The following NRCAM variants were observed in gnomAD, a reference collection of about 807,000 sequenced individuals.
NRCAM encodes NgCAM-related cell adhesion molecule.
Under a neutral mutation model 156.5 loss-of-function variants are expected in NRCAM, and 83 were observed. The observed-to-expected ratio is 0.53, with a 90% CI of 0.44 to 0.64. NRCAM has a LOEUF of 0.64. Ranked by LOEUF, NRCAM falls within the 30% of genes least tolerant of loss-of-function variation. The probability of loss-of-function intolerance (pLI) is 0.00; values close to 1 mark genes in which losing one functional copy is unlikely to be tolerated. For missense variants in NRCAM, 1,417 were observed against 1,597.3 expected (o/e 0.89, Z 1.92); for synonymous variants, 538 against 563.9 (o/e 0.95, Z 0.65).
intron 2 of NRCAM, among the ~76,000 whole-genome samples, chr7:108,394,947 A>G (rs2099772729): frequency 6.6e-6 from 1 of 152,240 alleles, no homozygotes; most frequent in South Asian, 2.1e-4. Context: ...AAATAAGAAC[A>G]ATAAACATGT....
chr7:108,218,036 T>G (rs192901966), intron 11 of NRCAM, among the ~76,000 whole-genome samples: 183 of 152,276 alleles, frequency 1.2e-3, no homozygotes, highest in African/African-American at 4.1e-3. Flanking sequence ...TGAAACCCAG[T>G]GCCCTGGTGG....
At chr7:108,364,189 G>T (rs2099577670) in intron 2 of NRCAM, among the ~76,000 whole-genome samples, 1 of 152,076 alleles carries the variant, frequency 6.6e-6, no homozygotes, top group Non-Finnish European at 1.5e-5. Context: ...TTAAAAGATG[G>T]GCAAAGGATT....
intron 2 of NRCAM, among the ~76,000 whole-genome samples, chr7:108,396,533 G>T (rs1434442673): frequency 1.3e-5 from 2 of 152,162 alleles, no homozygotes; most frequent in African/African-American, 2.4e-5. Context: ...CTGGATGACT[G>T]TAATTAACCA....
intron 25 of NRCAM, among the ~76,000 whole-genome samples, 195 bp downstream of exon 25, chr7:108,180,028 G>A (rs931774567): frequency 6.6e-6 from 1 of 152,210 alleles, no homozygotes; most frequent in Admixed American, 6.5e-5. Context: ...TTTGGGTTCT[G>A]AAGCCTTCTA....
intron 2 of NRCAM, among the ~76,000 whole-genome samples, chr7:108,331,838 T>C: frequency 6.6e-6 from 1 of 152,270 alleles, no homozygotes; most frequent in African/African-American, 2.4e-5. Flanking sequence ...TCATTGCCAG[T>C]TTTTTTCTGC....
rs1009883638 is a variant in NRCAM at position 108,197,948 on chromosome 7, G to A, written c.1351+8C>T. ...ATTTGCCATGTCTTTAATAAAATGA[G>A]AGCTTACCCAGCACATTTACAAATG... On this transcript the variant is annotated splice_region_variant and intron_variant, in intron 14 of 32. Transcript: ENST00000379028. The A allele has an allele frequency of 6.4e-7, 1 of 1,550,736 alleles. No homozygotes were observed. Among genetic ancestry groups the A allele is most frequent in the Middle Eastern group, 1.7e-4 (1 of 5,834 alleles).
At chr7:108,376,653 ATC>A (rs1166039009) in intron 2 of NRCAM, among the ~76,000 whole-genome samples, 2 of 151,914 alleles carry the variant, frequency 1.3e-5, no homozygotes, top group East Asian at 3.9e-4. Flanking sequence ...TTCCTTTTCT[ATC>A]TCTCTCCCAA....
chr7:108,176,654 AG>A (rs1248721922), intron 26 of NRCAM, 48 bp from the exon 27 acceptor site: 2 of 1,367,928 alleles, frequency 1.5e-6, no homozygotes, highest in African/African-American at 2.9e-5. Context: ...TAACTGCTAT[AG>A]GAATACTATT....
intron 1 of NRCAM, among the ~76,000 whole-genome samples, chr7:108,446,559 C>G (rs1042850923): frequency 2.6e-5 from 4 of 152,112 alleles, no homozygotes; most frequent in African/African-American, 9.7e-5. Flanking sequence ...GGATGGTTTC[C>G]GAAGTTAGGA....
intron 2 of NRCAM, among the ~76,000 whole-genome samples, chr7:108,372,311 C>T (rs1166985396): frequency 6.6e-6 from 1 of 151,638 alleles, no homozygotes; most frequent in Admixed American, 6.6e-5. Flanking sequence ...GAATGTGACA[C>T]CAAAAGCACC....
intron 2 of NRCAM, among the ~76,000 whole-genome samples, chr7:108,333,453 T>C (rs945372807): frequency 2.0e-5 from 3 of 152,194 alleles, no homozygotes; most frequent in Non-Finnish European, 4.4e-5. Flanking sequence ...GCTTGATAAT[T>C]CTATTTTAAC....
At chr7:108,261,692 C>T (rs748452530) in intron 3 of NRCAM, among the ~76,000 whole-genome samples, 1 of 152,170 alleles carries the variant, frequency 6.6e-6, no homozygotes, top group African/African-American at 2.4e-5. Flanking sequence ...CTGTAGACAC[C>T]TGTTTTCCTG....
At chr7:108,425,439 G>T (rs1271141140) in intron 1 of NRCAM, among the ~76,000 whole-genome samples, 1 of 152,172 alleles carries the variant, frequency 6.6e-6, no homozygotes, top group African/African-American at 2.4e-5. Context: ...GATGATACAT[G>T]TGCAGTATTT....
intron 1 of NRCAM, among the ~76,000 whole-genome samples, chr7:108,454,209 T>A (rs1214914154): frequency 6.6e-6 from 1 of 152,314 alleles, no homozygotes; most frequent in East Asian, 1.9e-4. Context: ...TACAGTTCTC[T>A]GAATCACAAT....
intron 1 of NRCAM, among the ~76,000 whole-genome samples, chr7:108,414,640 T>C (rs758170774): frequency 6.6e-6 from 1 of 152,186 alleles, no homozygotes; most frequent in Non-Finnish European, 1.5e-5. Context: ...AATTGTTCAG[T>C]GTTTTAGAAA....
intron 2 of NRCAM, among the ~76,000 whole-genome samples, chr7:108,388,962 C>A (rs2099750619): frequency 6.6e-6 from 1 of 152,106 alleles, no homozygotes; most frequent in Non-Finnish European, 1.5e-5. Flanking sequence ...GTTACTGTAG[C>A]CTTGTAGTAT....
chr7:108,282,494 TA>T (rs1370503218), intron 3 of NRCAM, among the ~76,000 whole-genome samples: 29 of 152,352 alleles, frequency 1.9e-4, no homozygotes, highest in Admixed American at 9.8e-4. Context: ...CTTATTTTTC[TA>T]TTTGGTACTT....
intron 3 of NRCAM, among the ~76,000 whole-genome samples, chr7:108,294,336 C>A (rs1204306409): frequency 6.6e-6 from 1 of 151,012 alleles, no homozygotes; most frequent in Non-Finnish European, 1.5e-5. Flanking sequence ...CTAACTGCTT[C>A]GAATCTGGGG....
intron 3 of NRCAM, among the ~76,000 whole-genome samples, chr7:108,267,519 T>C (rs2097153051): frequency 6.6e-6 from 1 of 152,210 alleles, no homozygotes; most frequent in Non-Finnish European, 1.5e-5. Flanking sequence ...CGTATAAAGG[T>C]ATTCCACTTT....
Sources: gnomAD v4.1 joint callset for allele counts (sites outside exome capture counted in the v4.1 genomes callset) on GRCh38, gnomAD v4.1.1 for gene constraint, MANE v1.5 for transcripts, NCBI Gene and HGNC (gene_info 2026-07-23, HGNC 2026-07-21) for gene names.